SNCAIP: variants seen among roughly 807,000 people sequenced by gnomAD.
SNCAIP encodes synphilin-1.
SNCAIP carries 43 observed loss-of-function variants against 86.7 expected under a neutral mutation model. That is an observed-to-expected ratio of 0.50 (90% confidence interval 0.39 to 0.64). The LOEUF (loss-of-function observed/expected upper bound fraction) is 0.64, where lower values mean the gene tolerates loss of function less well. SNCAIP is among the 30% of genes least tolerant of loss of function. SNCAIP has a pLI of 0.00. For synonymous variants in SNCAIP, 417 were observed against 427.2 expected, an observed-to-expected ratio of 0.98 and a Z score of 0.29; for missense variants, 981 against 1,103.1, an observed-to-expected ratio of 0.89 and a Z score of 1.57.
At chr5:122,452,795 C>T (rs953661258) in intron 10 of SNCAIP, 5 of 640,294 alleles carry the variant, frequency 7.8e-6, no homozygotes, top group Middle Eastern at 2.5e-4. Flanking sequence ...TGCCCATGCT[C>T]CTTAAAGTGC....
chr5:122,444,271 G>A (rs867880929), intron 7 of SNCAIP: 5 of 511,754 alleles, frequency 9.8e-6, no homozygotes, highest in Middle Eastern at 2.9e-4. Context: ...CATGACAAGA[G>A]ACAGAACTCC....
At chr5:122,449,281 A>G (rs1263312210) in intron 8 of SNCAIP, among the ~76,000 whole-genome samples, 1 of 152,182 alleles carries the variant, frequency 6.6e-6, no homozygotes, top group African/African-American at 2.4e-5. Flanking sequence ...ACTGAAAGTG[A>G]GAAAGAATGG....
At chr5:122,457,704 T>A (rs1251314158) in intron 10 of SNCAIP, among the ~76,000 whole-genome samples, 1 of 152,190 alleles carries the variant, frequency 6.6e-6, no homozygotes. Context: ...GCCTGTAGTT[T>A]CAAAGTATTT....
Position 122,425,384 on chromosome 5 carries a change from T to C in SNCAIP, c.1035T>C (p.Ile345=). ...TAGCTGCAGACAATCTAGACAAAAT[T>C]CACGACGAAAATGGAAACAATCTAT... ...PHLAADNLDK[I]HDENGNNLLH... is the part of the protein sequence containing the mutation. Residue 345 remains isoleucine (I), a synonymous_variant, in exon 5 of 11, where the codon ATT becomes ATC. Transcript: ENST00000261368. 6.2e-7 allele frequency: 1 copy of C among 1,614,040 alleles called. No homozygotes were observed. Among genetic ancestry groups the C allele is most frequent in the Non-Finnish European group, 8.5e-7 (1 of 1,179,952 alleles).
chr5:122,371,056 A>G (rs892162231), intron 1 of SNCAIP, among the ~76,000 whole-genome samples: 8 of 152,090 alleles, frequency 5.3e-5, no homozygotes, highest in African/African-American at 1.7e-4. Context: ...GCTCATGCCT[A>G]TAATCTTTGT....
Position 122,378,226 on chromosome 5 carries a change from G to A in SNCAIP, c.-46-12863G>A, listed in dbSNP as rs967847800. On this transcript the variant is annotated intron_variant, in intron 1 of 10. Transcript: ENST00000261368. ...GTCGTTTCCTGACAATTTAATGATC[G>A]CCATTCTAACTGGTGTGAGATGGTA... 2.4e-4 allele frequency among the ~76,000 whole-genome samples: 35 copies of A among 145,616 alleles called. 3 individuals carry two copies. The highest frequency in any genetic ancestry group is 4.2e-4 in the Non-Finnish European group (28 of 66,244).
chr5:122,463,418 T>C, intron 10 of SNCAIP, 73 bp from the exon 11 acceptor site: 1 of 852,308 alleles, frequency 1.2e-6, no homozygotes, highest in South Asian at 1.4e-5. Context: ...TTTGGTGAGC[T>C]GTTTAGTGGT....
At chr5:122,360,313 C>T (rs575526477) in intron 1 of SNCAIP, among the ~76,000 whole-genome samples, 6 of 152,278 alleles carry the variant, frequency 3.9e-5, no homozygotes, top group African/African-American at 1.2e-4. Context: ...TGCCTGATGT[C>T]ATGTTGGAGC....
chr5:122,389,771 G>T (rs1178351731), intron 1 of SNCAIP: 4 of 152,048 alleles, frequency 2.6e-5, no homozygotes, highest in Admixed American at 6.5e-5. Flanking sequence ...TTTCTTGGAT[G>T]GACTCTGTAT....
chr5:122,420,421 C>T (rs1022513351), intron 3 of SNCAIP, among the ~76,000 whole-genome samples: 5 of 152,094 alleles, frequency 3.3e-5, no homozygotes, highest in African/African-American at 1.2e-4. Context: ...GTACAATGCA[C>T]TCGTTGTATT....
In SNCAIP at chr5:122,365,887, C is replaced by T. The variant is rs139268008; in HGVS notation, c.-46-25202C>T. On this transcript the variant is annotated intron_variant, in intron 1 of 10. Coordinates refer to ENST00000261368, the MANE Select transcript of SNCAIP (RefSeq NM_005460.4). ...AGGAAGTCATGGTAAGTATGTCGAG[C>T]GTCATTTGCTGGGGAATTTTTCACG... 1.7e-3 allele frequency among the ~76,000 whole-genome samples: 256 copies of T among 152,126 alleles called. 1 individual carries two copies. Among genetic ancestry groups the T allele is most frequent in the Non-Finnish European group, 3.2e-3 (215 of 68,010 alleles).
At chr5:122,430,591 G>A (rs1409129977) in intron 5 of SNCAIP, among the ~76,000 whole-genome samples, 1 of 152,148 alleles carries the variant, frequency 6.6e-6, no homozygotes, top group Non-Finnish European at 1.5e-5. Context: ...TTTTAATCAC[G>A]AGGAGATACG....
intron 1 of SNCAIP, among the ~76,000 whole-genome samples, chr5:122,369,193 TA>T (rs1413843504): frequency 1.3e-5 from 2 of 152,204 alleles, no homozygotes; most frequent in East Asian, 3.8e-4. Flanking sequence ...ATACTCAATT[TA>T]AAGGAGCAAA....
At position 122,450,595 on chromosome 5, in the gene SNCAIP, C is replaced by G. The variant is rs752287805; in HGVS notation, c.1748C>G (p.Ser583Cys). ...AAATCTCCAGATGCAGATGATGATT[C>G]TGTAGCCAAAAGCAAGCCAGGAGTC... ...QWKSPDADDD[S>C]VAKSKPGVQE... The change falls in exon 10 of 11, where the codon TCT (serine) becomes TGT (cysteine). Residue 583 changes from serine to cysteine, a missense_variant. Transcript: ENST00000261368. The G allele has an allele frequency of 9.9e-6, 16 of 1,614,094 alleles. No homozygotes were observed. In the South Asian group the frequency reaches 1.8e-4, roughly 18 times the overall value.
chr5:122,351,939 C>G (rs1486563785), intron 1 of SNCAIP, among the ~76,000 whole-genome samples: 1 of 152,190 alleles, frequency 6.6e-6, no homozygotes, highest in Non-Finnish European at 1.5e-5. Context: ...ATCTCACCCA[C>G]TGATACCCTC....
intron 3 of SNCAIP, among the ~76,000 whole-genome samples, chr5:122,413,949 G>A (rs537979426): frequency 5.5e-4 from 84 of 152,156 alleles, no homozygotes; most frequent in African/African-American, 1.9e-3. Flanking sequence ...TCACTCTTTC[G>A]CCGCAGCTGA....
At chr5:122,384,468 A>G (rs1192978104) in intron 1 of SNCAIP, among the ~76,000 whole-genome samples, 5 of 152,106 alleles carry the variant, frequency 3.3e-5, no homozygotes, top group Admixed American at 2.6e-4. Flanking sequence ...AAAATACTAG[A>G]CTTAAAATCA....
rs200235473 is a variant in SNCAIP at position 122,423,336 on chromosome 5, C to T, written c.599C>T (p.Ser200Leu). The T allele has an allele frequency of 2.2e-5, 35 of 1,614,010 alleles. No individual in the cohort carries two copies. Among genetic ancestry groups the T allele is most frequent in the Middle Eastern group, 1.7e-4 (1 of 6,060 alleles). The change falls in exon 4 of 11, where the codon TCA becomes TTA. Residue 200 changes from serine (S) to leucine (L), a missense_variant. By Grantham distance (145) the Ser-to-Leu change is moderately radical (BLOSUM62 -2). Coordinates refer to ENST00000261368, the MANE Select transcript of SNCAIP (RefSeq NM_005460.4). ...TGCTCTACAGGAAGTTCTGAGAGCT[C>T]ATCATCCAACATGGCACCATTTTGT... ...KACSTGSSES[S>L]SSNMAPFCVL...
chr5:122,428,027 C>T (rs1777692541), intron 5 of SNCAIP, among the ~76,000 whole-genome samples: 1 of 152,056 alleles, frequency 6.6e-6, no homozygotes, highest in South Asian at 2.1e-4. Context: ...AATGATTAAG[C>T]AAAGTAATTG....
Sources: allele counts gnomAD v4.1 joint callset (sites outside exome capture counted in the v4.1 genomes callset), GRCh38; gene constraint gnomAD v4.1.1; transcripts MANE v1.5; gene names NCBI Gene and HGNC (gene_info 2026-07-23, HGNC 2026-07-21).